CAMK2D: variants seen among roughly 807,000 people sequenced by gnomAD.
CAMK2D encodes the protein calcium/calmodulin-dependent protein kinase type II subunit delta.
In CAMK2D, 37 loss-of-function variants were observed where a neutral mutation model predicts 84.0. The observed-to-expected ratio is 0.44, with a 90% CI of 0.34 to 0.58. The LOEUF (loss-of-function observed/expected upper bound fraction) is 0.58. CAMK2D is among the 20% of genes least tolerant of loss of function. The probability of loss-of-function intolerance (pLI) is 0.02; values close to 1 mark genes in which losing one functional copy is unlikely to be tolerated. For synonymous variants in CAMK2D, 202 were observed against 212.5 expected (o/e 0.95, Z 0.43); for missense variants, 448 against 652.5 (o/e 0.69, Z 3.41).
At chr4:113,582,985 G>A (rs185814068) in intron 4 of CAMK2D, among the ~76,000 whole-genome samples, 1 of 152,340 alleles carries the variant, frequency 6.6e-6, no homozygotes, top group East Asian at 1.9e-4. Flanking sequence ...GAGACAGTCT[G>A]TCCTCCCGTG....
intron 3 of CAMK2D, among the ~76,000 whole-genome samples, chr4:113,648,800 T>C (rs1024990229): frequency 1.3e-5 from 2 of 152,208 alleles, no homozygotes; most frequent in African/African-American, 4.8e-5. Flanking sequence ...GATGCTCACA[T>C]GGTAAGAAGC....
chr4:113,691,090 A>G (rs75350290), intron 2 of CAMK2D, among the ~76,000 whole-genome samples: 1,695 of 152,312 alleles, frequency 0.011, 34 homozygotes, highest in African/African-American at 0.039. Flanking sequence ...CTCTGGATCT[A>G]TAACAACCAG....
At chr4:113,676,899 T>C (rs73843474) in intron 2 of CAMK2D, among the ~76,000 whole-genome samples, 20,672 of 152,228 alleles carry the variant, frequency 0.14, 1,522 homozygotes, top group African/African-American at 0.18. Flanking sequence ...CATTTCTTCA[T>C]GAGGACTCCC....
intron 3 of CAMK2D, among the ~76,000 whole-genome samples, chr4:113,626,939 C>A (rs1418301306): frequency 3.9e-5 from 6 of 152,086 alleles, no homozygotes; most frequent in East Asian, 1.9e-4. Context: ...GGAATTCAGA[C>A]ACAAATTCAA....
chr4:113,737,466 A>G (rs1229635651), intron 2 of CAMK2D, among the ~76,000 whole-genome samples: 1 of 152,158 alleles, frequency 6.6e-6, no homozygotes, highest in Admixed American at 6.5e-5. Context: ...GTGCAAGGGT[A>G]GTTGCCAGGG....
intron 13 of CAMK2D, among the ~76,000 whole-genome samples, chr4:113,507,423 T>TA: frequency 7.6e-6 from 1 of 131,574 alleles, no homozygotes; most frequent in Non-Finnish European, 1.7e-5. Context: ...CTAATTTCTG[T>TA]TTTTTGTTTG....
At chr4:113,495,432 T>G (rs116140081) in intron 16 of CAMK2D, among the ~76,000 whole-genome samples, 2,251 of 152,284 alleles carry the variant, frequency 0.015, 26 homozygotes, top group Non-Finnish European at 0.022. Flanking sequence ...ATCATCTGCC[T>G]TAGGAAATCC....
At chr4:113,711,465 T>C (rs2099492345) in intron 2 of CAMK2D, among the ~76,000 whole-genome samples, 3 of 152,134 alleles carry the variant, frequency 2.0e-5, no homozygotes, top group South Asian at 4.1e-4. Context: ...GATGTGAACA[T>C]ATTTTTACTA....
At chr4:113,547,439 T>C (rs545664703) in intron 6 of CAMK2D, among the ~76,000 whole-genome samples, 2 of 152,214 alleles carry the variant, frequency 1.3e-5, no homozygotes, top group African/African-American at 4.8e-5. Flanking sequence ...GTTATTTCTA[T>C]CTGGATAAAT....
intron 4 of CAMK2D, among the ~76,000 whole-genome samples, chr4:113,581,395 C>T (rs1339876564): frequency 6.6e-6 from 1 of 151,802 alleles, no homozygotes; most frequent in Non-Finnish European, 1.5e-5. Flanking sequence ...TGCCTCTAAT[C>T]CCAGCTACGT....
At chr4:113,545,096 T>G (rs2098556937) in intron 6 of CAMK2D, among the ~76,000 whole-genome samples, 1 of 152,234 alleles carries the variant, frequency 6.6e-6, no homozygotes, top group South Asian at 2.1e-4. Context: ...TAATAAGCTA[T>G]TTTACTGAAT....
At chr4:113,754,003 T>C in intron 2 of CAMK2D, 1 of 958,654 alleles carries the variant, frequency 1.0e-6, no homozygotes, top group Non-Finnish European at 1.2e-6. Context: ...TTATTTTTCC[T>C]AACACTGTCC....
chr4:113,557,947 T>C (rs995889084), intron 4 of CAMK2D, among the ~76,000 whole-genome samples: 3 of 152,206 alleles, frequency 2.0e-5, no homozygotes, highest in Non-Finnish European at 4.4e-5. Context: ...GTGAGTGCCC[T>C]GATGGGGCAT....
intron 1 of CAMK2D, 49 bp downstream of exon 1, chr4:113,760,955 C>T (rs181960014): frequency 1.2e-6 from 2 of 1,612,950 alleles, no homozygotes; most frequent in Admixed American, 3.3e-5. Context: ...CAACGCGACC[C>T]GCCCTCAGCT....
chr4:113,592,346 C>G (rs2098893212), intron 4 of CAMK2D, among the ~76,000 whole-genome samples: 2 of 152,198 alleles, frequency 1.3e-5, no homozygotes, highest in African/African-American at 4.8e-5. Context: ...TTTCCAGATT[C>G]TCTTTCATAG....
intron 4 of CAMK2D, among the ~76,000 whole-genome samples, chr4:113,597,305 C>A (rs2098931750): frequency 6.6e-6 from 1 of 152,224 alleles, no homozygotes; most frequent in Admixed American, 6.5e-5. Context: ...CATTGAAAAT[C>A]TGTTTTTAGT....
chr4:113,596,043 CTGTGT>C (rs1423461126), intron 4 of CAMK2D, among the ~76,000 whole-genome samples: 4 of 152,222 alleles, frequency 2.6e-5, no homozygotes, highest in African/African-American at 9.6e-5. Context: ...AACCCTGCTG[CTGTGT>C]TATCAATTAA....
intron 2 of CAMK2D, among the ~76,000 whole-genome samples, chr4:113,670,046 C>T (rs2099273662): frequency 6.6e-6 from 1 of 152,006 alleles, no homozygotes; most frequent in South Asian, 2.1e-4. Flanking sequence ...TTTGGGAGAC[C>T]CAGGTGGGCA....
At chr4:113,470,202 C>A (rs138351845) in intron 16 of CAMK2D, among the ~76,000 whole-genome samples, 1 of 152,192 alleles carries the variant, frequency 6.6e-6, no homozygotes, top group Non-Finnish European at 1.5e-5. Flanking sequence ...TCCACTCTTG[C>A]TCCTTTGTTT....
Sources: gnomAD v4.1 joint callset for allele counts (sites outside exome capture counted in the v4.1 genomes callset) on GRCh38, gnomAD v4.1.1 for gene constraint, MANE v1.5 for transcripts, NCBI Gene and HGNC (gene_info 2026-07-23, HGNC 2026-07-21) for gene names.